Variants in RDH13 observed in about 807,000 individuals in gnomAD.
The protein encoded by RDH13 is retinol dehydrogenase 13 (all-trans and 9-cis).
A neutral mutation model predicts 28.3 loss-of-function variants in RDH13; 35 were observed. The ratio of observed to expected loss-of-function variants is 1.24; its 90% CI spans 0.95 to 1.64. The LOEUF (loss-of-function observed/expected upper bound fraction) is 1.64. Among genes scored for constraint, RDH13 ranks in the 40% most tolerant of loss-of-function variants. The pLI, the probability that RDH13 is intolerant of heterozygous loss-of-function variation, is 0.00. For missense variants in RDH13, 514 were observed against 446.3 expected (o/e 1.15, Z -1.37); for synonymous variants, 229 against 198.5 (o/e 1.15, Z -1.29).
At chr19:55,061,211 T>G (rs1490934306) in intron 1 of RDH13, among the ~76,000 whole-genome samples, 1 of 152,198 alleles carries the variant, frequency 6.6e-6, no homozygotes, top group African/African-American at 2.4e-5. Context: ...CACTGTAACC[T>G]TCGCCTCACA....
At chr19:55,064,605 TTG>T (rs1268798800), upstream of RDH13, among the ~76,000 whole-genome samples, 1 of 150,916 alleles carries the variant, frequency 6.6e-6, no homozygotes, top group Non-Finnish European at 1.5e-5. Context: ...TTGTTTTTGT[TTG>T]TTTGTTTGTT....
intron 3 of RDH13, among the ~76,000 whole-genome samples, chr19:55,049,023 G>C (rs2075339379): frequency 6.6e-6 from 1 of 152,134 alleles, no homozygotes; most frequent in Admixed American, 6.6e-5. Context: ...AGACCGGAGA[G>C]GCACAGCTCC....
At chr19:55,065,570 A>T (rs2075945613), upstream of RDH13, among the ~76,000 whole-genome samples, 1 of 151,568 alleles carries the variant, frequency 6.6e-6, no homozygotes, top group East Asian at 2.0e-4. Flanking sequence ...AAACAGCCAG[A>T]TAGTAAATAA....
In RDH13 at chr19:55,052,212, C is replaced by T. The variant is rs1265586381; in HGVS notation, c.341-3449G>A. 2.6e-5 allele frequency among the ~76,000 whole-genome samples: 4 copies of T among 150,982 alleles called. No individual in the cohort carries two copies. In the East Asian group the frequency reaches 7.9e-4, roughly 30 times the overall value. ...GGCGGGCAGATCACCTGAGGTCAAC[C>T]AGCCTGACCAACATGGTGAAACCCT... On this transcript the variant is annotated intron_variant, in intron 3 of 6. Transcript: ENST00000415061.
chr19:55,049,405 A>G (rs1280871491), intron 3 of RDH13, among the ~76,000 whole-genome samples: 1 of 152,210 alleles, frequency 6.6e-6, no homozygotes, highest in Non-Finnish European at 1.5e-5. Context: ...CAGTTTCCTC[A>G]GCTGTAAAAT....
At chr19:55,064,673 G>GC (rs748860844), upstream of RDH13, among the ~76,000 whole-genome samples, 18 of 150,476 alleles carry the variant, frequency 1.2e-4, 1 homozygote, top group East Asian at 4.0e-4. Context: ...GAGAGCAGTG[G>GC]GCGATCTCAG....
At position 55,063,062 on chromosome 19, in the gene RDH13, G is replaced by GGCGTCC. The variant is rs1555831242; in HGVS notation, c.-31_-30insGGACGC. ...GGCCGGGGACAGGCGTCAGGCGTCA[G>GGCGTCC]GGGTCGGCGCGGAGCTTGCTGCACA... On this transcript the variant is annotated 5_prime_UTR_variant, in exon 1 of 7. Transcript: ENST00000415061. The GGCGTCC allele has an allele frequency of 3.4e-6, 4 of 1,190,882 alleles. No homozygotes were observed. The South Asian group carries it at 6.0e-5, about 18-fold the overall frequency. 73.8% of individuals were successfully genotyped at this position (1,190,882 alleles called of 1,614,324 possible).
At chr19:55,066,988 G>A (rs560335766), upstream of RDH13, among the ~76,000 whole-genome samples, 26 of 152,276 alleles carry the variant, frequency 1.7e-4, no homozygotes, top group African/African-American at 6.3e-4. Context: ...TGTGCAGATG[G>A]TAGGTTTTTG....
intron 3 of RDH13, among the ~76,000 whole-genome samples, chr19:55,052,063 C>CTT (rs111427426): frequency 0.017 from 1,978 of 119,844 alleles, 18 homozygotes; most frequent in African/African-American, 0.024. Context: ...ACTGCCTCAA[C>CTT]TTTTTTTTTT....
intron 2 of RDH13, among the ~76,000 whole-genome samples, chr19:55,057,025 C>T (rs929603254): frequency 6.6e-6 from 1 of 152,018 alleles, no homozygotes; most frequent in Non-Finnish European, 1.5e-5. Flanking sequence ...ATTAGACGGC[C>T]GTGAAAAGGA....
intron 5 of RDH13, 113 bp downstream of exon 5, chr19:55,048,216 T>C (rs2075301541): frequency 6.4e-7 from 1 of 1,552,450 alleles, no homozygotes; most frequent in South Asian, 1.2e-5. Context: ...GCTCTACTTT[T>C]GCTGACTCTG....
intron 2 of RDH13, among the ~76,000 whole-genome samples, chr19:55,058,800 C>G (rs1340952550): frequency 2.0e-5 from 3 of 152,162 alleles, no homozygotes; most frequent in Non-Finnish European, 4.4e-5. Context: ...CCTGCTTCAG[C>G]CTCCCAAGCA....
At chr19:55,062,181 G>A (rs2075827908) in intron 1 of RDH13, among the ~76,000 whole-genome samples, 1 of 151,162 alleles carries the variant, frequency 6.6e-6, no homozygotes, top group African/African-American at 2.4e-5. Context: ...AGGTAATGTC[G>A]TCACACCTTC....
chr19:55,064,653 A>C (rs965910621), upstream of RDH13, among the ~76,000 whole-genome samples: 39 of 150,772 alleles, frequency 2.6e-4, no homozygotes, highest in Non-Finnish European at 4.1e-4. Flanking sequence ...TCACTGTGTC[A>C]CCCAGGCTGG....
At chr19:55,051,619 G>A (rs942162636) in intron 3 of RDH13, among the ~76,000 whole-genome samples, 4 of 151,768 alleles carry the variant, frequency 2.6e-5, no homozygotes, top group African/African-American at 9.7e-5. Flanking sequence ...TAGTAGAGAC[G>A]GGGTTTCACC....
Position 55,056,710 on chromosome 19 carries a change from G to A in RDH13, c.283C>T (p.His95Tyr). The change falls in exon 3 of 7, where the codon CAC becomes TAC. Residue 95 changes from histidine (H) to tyrosine (Y), a missense_variant. Transcript: ENST00000415061. ...GACTTGAGGGAAGCCAAGTCCAGGT[G>A]CCGGGCGTTGACATGGTGATTGAGG... ...ETLNHHVNAR[H>Y]LDLASLKSIR... The A allele has an allele frequency of 1.2e-6, 2 of 1,614,044 alleles. No individual in the cohort carries two copies. The highest frequency in any genetic ancestry group is 1.7e-6 in the Non-Finnish European group (2 of 1,179,998).
rs769945144 is a variant in RDH13 at position 55,045,023 on chromosome 19, G to C, written c.*51C>G. The C allele has an allele frequency of 7.3e-7, 1 of 1,368,266 alleles. No homozygotes were observed. Among genetic ancestry groups the C allele is most frequent in the Non-Finnish European group, 1.0e-6 (1 of 991,662 alleles). The allele number at this position is 1,368,266 out of a possible 1,614,324, so 84.8% of individuals were successfully genotyped here. A position where few individuals can be genotyped will look rare whatever the true frequency, so the allele number is the denominator to read the frequency against. On this transcript the variant is annotated 3_prime_UTR_variant, in exon 7 of 7. Coordinates refer to ENST00000415061, the MANE Select transcript of RDH13 (RefSeq NM_001145971.2). The stretch of plus-strand genomic sequence containing the variant: ...CAGGAAGCTGCGGGCATGGCGGACA[G>C]CTGTCCTCGGTCTGGAGGCGCCATC...
chr19:55,059,760 G>C (rs1568729846), intron 1 of RDH13, among the ~76,000 whole-genome samples: 2 of 152,148 alleles, frequency 1.3e-5, no homozygotes, highest in Non-Finnish European at 2.9e-5. Context: ...ACTCCATTTT[G>C]AAAAAGACCT....
intron 3 of RDH13, among the ~76,000 whole-genome samples, chr19:55,049,121 C>A (rs768176089): frequency 6.6e-6 from 1 of 152,132 alleles, no homozygotes; most frequent in African/African-American, 2.4e-5. Flanking sequence ...AGGGACACCG[C>A]GATTCAGACT....
Sources: allele counts gnomAD v4.1 joint callset (sites outside exome capture counted in the v4.1 genomes callset), GRCh38; gene constraint gnomAD v4.1.1; transcripts MANE v1.5; gene names NCBI Gene and HGNC (gene_info 2026-07-23, HGNC 2026-07-21).